The following ZDHHC7 variants were observed in gnomAD, a reference collection of about 807,000 sequenced individuals.
ZDHHC7 encodes the protein zDHHC palmitoyltransferase 7, also known as palmitoyltransferase ZDHHC7.
In ZDHHC7, 12 loss-of-function variants were observed where a neutral mutation model predicts 34.1. The ratio of observed to expected loss-of-function variants is 0.35; its 90% CI spans 0.23 to 0.57. The LOEUF (loss-of-function observed/expected upper bound fraction) is 0.57, where lower values mean the gene tolerates loss of function less well. Ranked by LOEUF, ZDHHC7 falls within the 20% of genes least tolerant of loss-of-function variation. The pLI is 0.84. For synonymous variants in ZDHHC7, 185 were observed against 155.4 expected (o/e 1.19, Z -1.42); for missense variants, 388 against 402.7 (o/e 0.96, Z 0.31).
chr16:85,016,925 G>C, the ZDHHC7 span, among the ~76,000 whole-genome samples: 1 of 148,708 alleles, frequency 6.7e-6, no homozygotes, highest in Admixed American at 6.9e-5. Flanking sequence ...TATGAGATTA[G>C]ACTTGATTTC....
At chr16:84,982,994 A>G (rs576854835) in intron 3 of ZDHHC7, among the ~76,000 whole-genome samples, 6 of 152,338 alleles carry the variant, frequency 3.9e-5, no homozygotes, top group Admixed American at 1.3e-4. Context: ...GGCAGTGGAG[A>G]TAAGTCATCA....
At position 84,976,245 on chromosome 16, in the gene ZDHHC7, A is replaced by C; in HGVS notation, c.*98T>G. On this transcript the variant is annotated 3_prime_UTR_variant, in exon 8 of 8. Coordinates refer to ENST00000313732, the MANE Select transcript of ZDHHC7 (RefSeq NM_017740.3). Reference sequence around the variant, plus strand: ...CAAGCAATTGGTTTGTGTAGGTTCCAGTTGCCCTGTTGGTCACAGATGAGC... The same window carrying C: ...CAAGCAATTGGTTTGTGTAGGTTCCCGTTGCCCTGTTGGTCACAGATGAGC... 1.4e-6 allele frequency: 2 copies of C among 1,471,474 alleles called. No individual in the cohort carries two copies. The highest frequency in any genetic ancestry group is 1.9e-6 in the Non-Finnish European group (2 of 1,077,490). 91.2% of individuals were successfully genotyped at this position (1,471,474 alleles called of 1,614,324 possible). A position where few individuals can be genotyped will look rare whatever the true frequency, so the allele number is the denominator to read the frequency against.
chr16:84,992,581 A>G (rs1476932037), intron 2 of ZDHHC7, among the ~76,000 whole-genome samples: 1 of 152,222 alleles, frequency 6.6e-6, no homozygotes, highest in East Asian at 1.9e-4. Flanking sequence ...AATATCACAG[A>G]TAAAGAGCCA....
upstream of ZDHHC7, among the ~76,000 whole-genome samples, chr16:85,015,090 G>C (rs570272486): frequency 1.1e-4 from 16 of 151,286 alleles, no homozygotes; most frequent in South Asian, 2.5e-3. Flanking sequence ...GCAGGCTTAG[G>C]AGTTTTGTTG....
At chr16:85,008,725 C>T (rs1477100200) in intron 1 of ZDHHC7, among the ~76,000 whole-genome samples, 1 of 150,518 alleles carries the variant, frequency 6.6e-6, no homozygotes, top group East Asian at 1.9e-4. Context: ...ACAGTTTTGA[C>T]TTTATGTTCT....
At chr16:84,991,265 C>T (rs1310679381) in intron 2 of ZDHHC7, among the ~76,000 whole-genome samples, 1 of 152,142 alleles carries the variant, frequency 6.6e-6, no homozygotes, top group African/African-American at 2.4e-5. Flanking sequence ...CTCTACCCTG[C>T]TTCTAGAATG....
chr16:85,020,212 C>G, the ZDHHC7 span, among the ~76,000 whole-genome samples: 1 of 152,216 alleles, frequency 6.6e-6, no homozygotes, highest in Non-Finnish European at 1.5e-5. Context: ...CCTTCAGAAG[C>G]AAGCCCCTGC....
chr16:84,985,122 G>A (rs973931374), intron 3 of ZDHHC7, among the ~76,000 whole-genome samples: 9 of 152,164 alleles, frequency 5.9e-5, no homozygotes, highest in Non-Finnish European at 1.2e-4. Flanking sequence ...CCAGGCCATG[G>A]GATGCCTTCA....
chr16:84,987,985 C>T (rs1250458827), intron 3 of ZDHHC7, among the ~76,000 whole-genome samples: 4 of 152,104 alleles, frequency 2.6e-5, no homozygotes, highest in Non-Finnish European at 4.4e-5. Context: ...CTGGCTAACA[C>T]GGTGAAACCC....
At chr16:84,976,986 C>T in intron 7 of ZDHHC7, 109 bp downstream of exon 7, 1 of 1,491,598 alleles carries the variant, frequency 6.7e-7, no homozygotes, top group Non-Finnish European at 9.1e-7. Context: ...AAGACCGTCC[C>T]ATTACGTTCC....
At chr16:84,991,138 T>C (rs1355865656) in intron 2 of ZDHHC7, among the ~76,000 whole-genome samples, 1 of 152,214 alleles carries the variant, frequency 6.6e-6, no homozygotes, top group East Asian at 1.9e-4. Flanking sequence ...CACCGCCTCA[T>C]ACACACTGAC....
At chr16:84,988,630 C>G (rs1048260272) in intron 3 of ZDHHC7, 19 of 772,890 alleles carry the variant, frequency 2.5e-5, no homozygotes, top group Middle Eastern at 3.8e-4. Context: ...GGAGCAGAAG[C>G]TGGACTGCTG....
At chr16:85,017,691 G>C in the ZDHHC7 span, among the ~76,000 whole-genome samples, 1 of 152,214 alleles carries the variant, frequency 6.6e-6, no homozygotes, top group Non-Finnish European at 1.5e-5. Context: ...TGGGCTGGGA[G>C]AGATCCCCAA....
Position 84,977,075 on chromosome 16 carries a change from C to T in ZDHHC7, c.750+20G>A, listed in dbSNP as rs767903790. On this transcript the variant is annotated intron_variant, in intron 7 of 7. Transcript: ENST00000313732. ...GCTTGGACCACATATGAAGTCCACA[C>T]AGCCGAGAACAAAGCTTACCGTCTC... 1.2e-6 allele frequency: 2 copies of T among 1,613,800 alleles called. No individual in the cohort carries two copies. Among genetic ancestry groups the T allele is most frequent in the South Asian group, 1.1e-5 (1 of 91,030 alleles).
intron 2 of ZDHHC7, among the ~76,000 whole-genome samples, chr16:84,994,468 C>T (rs190215830): frequency 1.8e-4 from 28 of 152,326 alleles, no homozygotes; most frequent in African/African-American, 6.5e-4. Flanking sequence ...ACAAGCTATA[C>T]TTTTGTCAGA....
intron 2 of ZDHHC7, among the ~76,000 whole-genome samples, chr16:84,995,634 C>A (rs2072567003): frequency 1.3e-5 from 2 of 149,542 alleles, no homozygotes; most frequent in African/African-American, 2.5e-5. Context: ...TCAAAAAAAA[C>A]AGACAAAAAA....
intron 1 of ZDHHC7, chr16:85,004,847 A>T (rs2072698602): frequency 6.8e-6 from 1 of 146,120 alleles, no homozygotes; most frequent in Non-Finnish European, 1.6e-5. Context: ...CCTGGCAGAA[A>T]AGGAGTAGAA....
chr16:84,979,770 G>A (rs1443245089), intron 4 of ZDHHC7, among the ~76,000 whole-genome samples: 4 of 151,980 alleles, frequency 2.6e-5, no homozygotes, highest in Non-Finnish European at 5.9e-5. Flanking sequence ...CAGGCATGAA[G>A]TCGTCTTGTT....
chr16:85,017,904 G>C, the ZDHHC7 span, among the ~76,000 whole-genome samples: 1 of 152,212 alleles, frequency 6.6e-6, no homozygotes, highest in African/African-American at 2.4e-5. Context: ...CTTTAACCAA[G>C]GACTGGGATA....
Sources: allele counts gnomAD v4.1 joint callset (sites outside exome capture counted in the v4.1 genomes callset), GRCh38; gene constraint gnomAD v4.1.1; transcripts MANE v1.5; gene names NCBI Gene and HGNC (gene_info 2026-07-23, HGNC 2026-07-21).